Variants in TCF7 observed in about 807,000 individuals in gnomAD.
TCF7 encodes the protein transcription factor 7.
TCF7 carries 19 observed loss-of-function variants against 46.8 expected under a neutral mutation model. The ratio of observed to expected loss-of-function variants is 0.41; its 90% CI spans 0.28 to 0.60. The LOEUF (loss-of-function observed/expected upper bound fraction) is 0.60. Ranked by LOEUF, TCF7 falls within the 20% of genes least tolerant of loss-of-function variation. The pLI is 0.35. For synonymous variants in TCF7, 245 were observed against 213.4 expected (o/e 1.15, Z -1.29); for missense variants, 547 against 504.6 (o/e 1.08, Z -0.81).
intron 3 of TCF7, among the ~76,000 whole-genome samples, chr5:134,135,264 A>G (rs1758699704): frequency 6.6e-6 from 1 of 152,218 alleles, no homozygotes. Context: ...CCCAGCCCAC[A>G]GAGAATTTTG....
chr5:134,115,992 C>G lies in TCF7; in HGVS notation c.400C>G (p.Pro134Ala), dbSNP rs5742913. ...CAATCTGCTCATGCATTACCCACCC[C>G]CCTCGGGAGCAGGGCAGCACCCCCA... The part of the protein sequence containing the change: ...AFNLLMHYPP[P>A]SGAGQHPQPQ... Residue 134 changes from proline to alanine, a missense_variant, in exon 3 of 10, where the codon CCC becomes GCC. By Grantham distance (27) the Pro-to-Ala change is conservative. Transcript: ENST00000342854. The G allele has an allele frequency of 2.5e-5, 40 of 1,613,672 alleles. No homozygotes were observed. Among genetic ancestry groups the G allele is most frequent in the South Asian group, 4.4e-5 (4 of 91,088 alleles).
At position 134,147,570 on chromosome 5, in the gene TCF7, A is replaced by G. The variant is rs1405887712; in HGVS notation, c.*1267A>G. ...GCCCAGAAAACCTCCAGTAGTGGAC[A>G]ACAGGTTTTCACCATAGCCTACGTT... On this transcript the variant is annotated 3_prime_UTR_variant, in exon 10 of 10. Transcript: ENST00000342854. 6.5e-6 allele frequency: 1 copy of G among 152,684 alleles called. No individual in the cohort carries two copies. The highest frequency in any genetic ancestry group is 1.5e-5 in the Non-Finnish European group (1 of 68,046). 9.5% of individuals were successfully genotyped at this position (152,684 alleles called of 1,614,324 possible).
At chr5:134,138,234 C>A in intron 4 of TCF7, 70 bp downstream of exon 4, 1 of 1,417,842 alleles carries the variant, frequency 7.1e-7, no homozygotes, top group Non-Finnish European at 9.9e-7. Context: ...GCTTCTGAGA[C>A]CAGGTAGCTG....
At chr5:134,112,098 C>A (rs535681251), upstream of TCF7, among the ~76,000 whole-genome samples, 37 of 152,276 alleles carry the variant, frequency 2.4e-4, 1 homozygote, top group South Asian at 7.7e-3. Context: ...TGGGGCCGCA[C>A]CAACTTCTGG....
chr5:134,142,377 C>T, intron 6 of TCF7, 73 bp downstream of exon 6: 1 of 1,451,532 alleles, frequency 6.9e-7, no homozygotes, highest in Non-Finnish European at 9.1e-7. Context: ...GGCCTGAGGA[C>T]TGCCACGAGG....
intron 3 of TCF7, among the ~76,000 whole-genome samples, chr5:134,124,161 G>A (rs1457930121): frequency 6.6e-6 from 1 of 152,140 alleles, no homozygotes; most frequent in Non-Finnish European, 1.5e-5. Flanking sequence ...GAGCTCCAGG[G>A]TCCCAGGGGC....
chr5:134,125,233 C>T (rs537605654), intron 3 of TCF7, among the ~76,000 whole-genome samples: 144 of 152,356 alleles, frequency 9.5e-4, no homozygotes, highest in Non-Finnish European at 1.6e-3. Context: ...CGGGCCCAGC[C>T]TCCTGGCCTG....
chr5:134,116,197 T>C (rs1189645995), intron 3 of TCF7, 164 bp downstream of exon 3: 6 of 1,398,204 alleles, frequency 4.3e-6, no homozygotes, highest in Admixed American at 3.2e-5. Context: ...AAGGAGAACT[T>C]TGCTGAAGGA....
At chr5:134,118,804 C>G (rs920327450) in intron 3 of TCF7, among the ~76,000 whole-genome samples, 10 of 152,046 alleles carry the variant, frequency 6.6e-5, no homozygotes, top group Non-Finnish European at 4.4e-5. Context: ...TTTTTAGAGA[C>G]AAGGTCTCAC....
rs1273596332 is a variant in TCF7, at chr5:134,142,830, G to T, written c.865G>T (p.Ala289Ser). ...GAAGGAGATGAGAGCCAAGGTCATT[G>T]CAGAGTGCACACTTAAGGAGAGCGC... ...YMKEMRAKVI[A>S]ECTLKESAAI... is the part of the protein sequence containing the mutation. The change falls in exon 7 of 10, where the codon GCA becomes TCA. Residue 289 changes from alanine to serine, a missense_variant. By Grantham distance (99) the Ala-to-Ser change is moderately conservative. This residue lies in a region of TCF7 where 32 missense variants were observed against 65.9 expected (regional missense o/e 0.49). Coordinates refer to ENST00000342854, the MANE Select transcript of TCF7 (RefSeq NM_003202.5). 6.2e-7 allele frequency: 1 copy of T among 1,614,090 alleles called. No homozygotes were observed. Among genetic ancestry groups the T allele is most frequent in the African/African-American group, 1.3e-5 (1 of 74,924 alleles).
chr5:134,140,817 C>T (rs559653800), intron 5 of TCF7: 12 of 455,762 alleles, frequency 2.6e-5, no homozygotes, highest in Middle Eastern at 3.3e-4. Context: ...CTCTCTACCC[C>T]CTGTCCCCTT....
intron 9 of TCF7, chr5:134,144,073 A>C (rs1039212540): frequency 5.7e-6 from 1 of 174,506 alleles, no homozygotes; most frequent in African/African-American, 2.4e-5. Context: ...GAGCCTGGCA[A>C]TTTATCACCC....
intron 3 of TCF7, among the ~76,000 whole-genome samples, chr5:134,120,298 C>T (rs1756390196): frequency 6.6e-6 from 1 of 152,210 alleles, no homozygotes; most frequent in African/African-American, 2.4e-5. Flanking sequence ...TCACCCCTAA[C>T]CCCCATCCTA....
chr5:134,130,080 G>C (rs971894543), intron 3 of TCF7, among the ~76,000 whole-genome samples: 6 of 152,388 alleles, frequency 3.9e-5, no homozygotes, highest in African/African-American at 1.2e-4. Flanking sequence ...AGAGCACCGT[G>C]TCCTGGGCAG....
chr5:134,118,607 T>C (rs1318384992), intron 3 of TCF7, among the ~76,000 whole-genome samples: 4 of 152,106 alleles, frequency 2.6e-5, no homozygotes, highest in Admixed American at 2.0e-4. Flanking sequence ...TTTTTTTTTT[T>C]CTTCCAAAAA....
intron 3 of TCF7, among the ~76,000 whole-genome samples, chr5:134,121,430 A>G (rs1447200083): frequency 6.6e-6 from 1 of 152,038 alleles, no homozygotes; most frequent in Non-Finnish European, 1.5e-5. Flanking sequence ...CTAAAAATAC[A>G]AAAATTAGCC....
rs145162909 is a variant in TCF7 at position 134,133,238 on chromosome 5, C to T, written c.442-4821C>T. ...CTGGTGAGGCATCAATGCATTTAAA[C>T]ATCCCAGCATGCTTTGAGCACTTAC... On this transcript the variant is annotated intron_variant, in intron 3 of 9. Transcript: ENST00000342854. 4.2e-3 allele frequency among the ~76,000 whole-genome samples: 634 copies of T among 152,332 alleles called. 6 individuals are homozygous for T. The highest frequency in any genetic ancestry group is 6.8e-3 in the Middle Eastern group (2 of 294).
chr5:134,109,059 G>A, the TCF7 span, among the ~76,000 whole-genome samples: 1 of 152,174 alleles, frequency 6.6e-6, no homozygotes, highest in African/African-American at 2.4e-5. Flanking sequence ...ACAAGATGGT[G>A]AGTTGCCTGA....
At chr5:134,112,558 G>A (rs1217149578), upstream of TCF7, among the ~76,000 whole-genome samples, 1 of 152,204 alleles carries the variant, frequency 6.6e-6, no homozygotes, top group Admixed American at 6.5e-5. Context: ...GACCCCATAG[G>A]ACAGTTGTTC....
Sources: gnomAD v4.1 joint callset for allele counts (sites outside exome capture counted in the v4.1 genomes callset) on GRCh38, gnomAD v4.1.1 for gene constraint, gnomAD v4.1.1 regional missense constraint, MANE v1.5 for transcripts, NCBI Gene and HGNC (gene_info 2026-07-23, HGNC 2026-07-21) for gene names.